Variants in PDE6H observed in about 807,000 individuals in gnomAD.
PDE6H encodes retinal cone rhodopsin-sensitive cGMP 3',5'-cyclic phosphodiesterase subunit gamma.
PDE6H carries 11 observed loss-of-function variants against 9.2 expected under a neutral mutation model. That is an observed-to-expected ratio of 1.19 (90% CI 0.75 to 1.97). PDE6H has a LOEUF of 1.97. PDE6H is among the 30% of genes most tolerant of loss of function. The pLI, the probability that PDE6H is intolerant of heterozygous loss-of-function variation, is 0.00. For synonymous variants in PDE6H, 36 were observed against 33.6 expected, an observed-to-expected ratio of 1.07 and a Z score of -0.25; for missense variants, 98 against 101.5, an observed-to-expected ratio of 0.97 and a Z score of 0.15.
chr12:14,979,412 G>T (rs565558176), intron 3 of PDE6H, among the ~76,000 whole-genome samples, 193 bp downstream of exon 3: 8 of 152,278 alleles, frequency 5.3e-5, no homozygotes, highest in East Asian at 3.9e-4. Flanking sequence ...AGCCCTAAAA[G>T]AAATCAGGGT....
At chr12:14,978,578 A>T (rs1864632847) in intron 2 of PDE6H, among the ~76,000 whole-genome samples, 2 of 152,216 alleles carry the variant, frequency 1.3e-5, no homozygotes, top group African/African-American at 4.8e-5. Context: ...ATTTTTCAAC[A>T]CACAGATCAT....
At chr12:14,973,729 T>C (rs992986594) in intron 1 of PDE6H, among the ~76,000 whole-genome samples, 6 of 152,192 alleles carry the variant, frequency 3.9e-5, no homozygotes, top group African/African-American at 1.4e-4. Context: ...CCAGCAGTAC[T>C]TCCCTTCCCA....
At position 14,981,613 on chromosome 12, in the gene PDE6H, A is replaced by G. The variant is rs1470102661; in HGVS notation, c.*137A>G. The G allele has an allele frequency of 2.8e-5, 20 of 709,624 alleles. No homozygotes were observed. The Admixed American group carries it at 4.0e-4, about 14-fold the overall frequency. 44.0% of individuals were successfully genotyped at this position (709,624 alleles called of 1,614,324 possible). A position where few individuals can be genotyped will look rare whatever the true frequency, so the allele number is the denominator to read the frequency against. Reference sequence around the variant, plus strand: ...CTTTCAAGGTCATTCCCTATCAGTTACTACTAAGAGTTCTCTTACTGTCAG... The same window carrying G: ...CTTTCAAGGTCATTCCCTATCAGTTGCTACTAAGAGTTCTCTTACTGTCAG... On this transcript the variant is annotated 3_prime_UTR_variant, in exon 4 of 4. Transcript: ENST00000266395.
At chr12:14,980,249 C>T (rs1360006199) in intron 3 of PDE6H, among the ~76,000 whole-genome samples, 1 of 152,140 alleles carries the variant, frequency 6.6e-6, no homozygotes, top group Non-Finnish European at 1.5e-5. Context: ...CTTTTCTGGA[C>T]TAGCTTCTTT....
chr12:14,977,309 C>A (rs975223487), intron 1 of PDE6H, among the ~76,000 whole-genome samples: 1 of 152,016 alleles, frequency 6.6e-6, no homozygotes, highest in Non-Finnish European at 1.5e-5. Context: ...ACAAAATAAT[C>A]CTATCTTAAA....
Position 14,978,153 on chromosome 12 carries a change from C to T in PDE6H, c.134+7C>T. 1.2e-6 allele frequency: 2 copies of T among 1,612,874 alleles called. No homozygotes were observed. The highest frequency in any genetic ancestry group is 1.7e-6 in the Non-Finnish European group (2 of 1,179,396). On this transcript the variant is annotated splice_region_variant and intron_variant, in intron 2 of 3. Transcript: ENST00000266395. ...CAAAGAAAGGTGTGAAAGGGTAAGA[C>T]CAAAATGAAAAGAAAAACTTTCTAT...
chr12:14,975,815 T>TG (rs1272020609), intron 1 of PDE6H, among the ~76,000 whole-genome samples: 1 of 125,490 alleles, frequency 8.0e-6, no homozygotes, highest in African/African-American at 2.9e-5. Flanking sequence ...TTCTTTTGTT[T>TG]TTTTTTTTTG....
At chr12:14,981,259 G>C in intron 3 of PDE6H, 141 bp from the exon 4 acceptor site, 1 of 756,526 alleles carries the variant, frequency 1.3e-6, no homozygotes, top group Non-Finnish European at 2.4e-6. Context: ...CTGGGCCACA[G>C]GGCCACGCTA....
intron 1 of PDE6H, among the ~76,000 whole-genome samples, chr12:14,974,744 CAG>C (rs1395345116): frequency 1.4e-4 from 22 of 152,286 alleles, no homozygotes; most frequent in African/African-American, 5.1e-4. Flanking sequence ...TTGAAGGAAG[CAG>C]AGAATTACCC....
chr12:14,978,361 A>C (rs1033362389), intron 2 of PDE6H, among the ~76,000 whole-genome samples: 19 of 152,326 alleles, frequency 1.2e-4, no homozygotes, highest in African/African-American at 4.3e-4. Context: ...CGAATTTAAC[A>C]TGGCAAATAG....
chr12:14,977,947 T>A, intron 1 of PDE6H, 25 bp from the exon 2 acceptor site: 1 of 1,502,974 alleles, frequency 6.7e-7, no homozygotes, highest in Admixed American at 1.8e-5. Context: ...AAAGATCTTC[T>A]TTTTTTTATC....
At chr12:14,974,376 T>C (rs1864561803) in intron 1 of PDE6H, among the ~76,000 whole-genome samples, 1 of 152,184 alleles carries the variant, frequency 6.6e-6, no homozygotes, top group Non-Finnish European at 1.5e-5. Flanking sequence ...GGTAAATCTA[T>C]GACAGAAACT....
In PDE6H at chr12:14,975,071, G is replaced by T. The variant is rs1264257377; in HGVS notation, c.-42+1985G>T. On this transcript the variant is annotated intron_variant, in intron 1 of 3. Transcript: ENST00000266395. ...TAAGTCACGTAGCCAGTTCTGTGGA[G>T]TAGGAACTTAAAACTATATCAGTTT... 3.9e-5 allele frequency among the ~76,000 whole-genome samples: 6 copies of T among 152,296 alleles called. No homozygotes were observed. The East Asian group carries it at 1.2e-3, about 29-fold the overall frequency.
chr12:14,973,574 G>A (rs1024775472), intron 1 of PDE6H, among the ~76,000 whole-genome samples: 4 of 152,208 alleles, frequency 2.6e-5, no homozygotes, highest in Non-Finnish European at 5.9e-5. Flanking sequence ...TTGAGGTCAA[G>A]TGTTTGTTCC....
intron 1 of PDE6H, among the ~76,000 whole-genome samples, chr12:14,977,739 A>G (rs1286005262): frequency 1.3e-5 from 2 of 152,214 alleles, no homozygotes; most frequent in African/African-American, 4.8e-5. Context: ...TTGTGTAAGT[A>G]ATGTAGCAGA....
intron 1 of PDE6H, 97 bp from the exon 2 acceptor site, chr12:14,977,875 T>TGAAG: frequency 1.3e-6 from 1 of 791,500 alleles, no homozygotes; most frequent in South Asian, 1.8e-5. Flanking sequence ...GCTTTCTTGT[T>TGAAG]GAAGTACTTT....
chr12:14,980,706 C>T (rs1388420731), intron 3 of PDE6H, among the ~76,000 whole-genome samples: 1 of 152,162 alleles, frequency 6.6e-6, no homozygotes, highest in Non-Finnish European at 1.5e-5. Flanking sequence ...TTGACTCTGA[C>T]AGTGTATTTG....
intron 2 of PDE6H, among the ~76,000 whole-genome samples, chr12:14,978,590 T>C (rs1441996111): frequency 6.6e-6 from 1 of 152,272 alleles, no homozygotes; most frequent in African/African-American, 2.4e-5. Flanking sequence ...ACAGATCATA[T>C]GCTAATTTCT....
At chr12:14,977,828 A>T (rs188966387) in intron 1 of PDE6H, 144 bp from the exon 2 acceptor site, 535 of 601,492 alleles carry the variant, frequency 8.9e-4, no homozygotes, top group Non-Finnish European at 1.3e-3. Context: ...TTTAAAGATG[A>T]TAACTTCTCC....
Sources: allele counts gnomAD v4.1 joint callset (sites outside exome capture counted in the v4.1 genomes callset), GRCh38; gene constraint gnomAD v4.1.1; transcripts MANE v1.5; gene names NCBI Gene and HGNC (gene_info 2026-07-23, HGNC 2026-07-21).